The following ARHGAP31 variants were observed in gnomAD, a reference collection of about 807,000 sequenced individuals.
The protein encoded by ARHGAP31 is Rho GTPase activating protein 31.
Under a neutral mutation model 113.9 loss-of-function variants are expected in ARHGAP31, and 34 were observed. The observed-to-expected ratio is 0.30, with a 90% CI of 0.23 to 0.40. ARHGAP31 has a LOEUF of 0.40. Ranked by LOEUF, ARHGAP31 falls within the 10% of genes least tolerant of loss-of-function variation. ARHGAP31 has a pLI of 1.00. For synonymous variants in ARHGAP31, 650 were observed against 684.8 expected, an observed-to-expected ratio of 0.95 and a Z score of 0.79; for missense variants, 1,548 against 1,767.1, an observed-to-expected ratio of 0.88 and a Z score of 2.22.
intron 1 of ARHGAP31, among the ~76,000 whole-genome samples, chr3:119,364,263 TA>T (rs202131940): frequency 1.5e-4 from 22 of 148,002 alleles, no homozygotes; most frequent in South Asian, 1.1e-3. Flanking sequence ...TTCTTACCTT[TA>T]AAAAAAAAAC....
chr3:119,408,414 C>T (rs893451477), intron 10 of ARHGAP31, among the ~76,000 whole-genome samples: 8 of 152,208 alleles, frequency 5.3e-5, no homozygotes, highest in East Asian at 1.9e-4. Flanking sequence ...GCTGGCCTTG[C>T]GGTGAGACAC....
At chr3:119,342,766 A>G (rs935918207) in intron 1 of ARHGAP31, among the ~76,000 whole-genome samples, 2 of 152,158 alleles carry the variant, frequency 1.3e-5, no homozygotes, top group African/African-American at 4.8e-5. Flanking sequence ...CCTGACCAAC[A>G]TGGAGAAACC....
chr3:119,295,320 C>G (rs1414450351), intron 1 of ARHGAP31, among the ~76,000 whole-genome samples: 1 of 151,650 alleles, frequency 6.6e-6, no homozygotes, highest in Non-Finnish European at 1.5e-5. Flanking sequence ...GGTCCCAATC[C>G]TAAACTTGGC....
chr3:119,304,119 A>G (rs1269842565), intron 1 of ARHGAP31, among the ~76,000 whole-genome samples: 1 of 152,100 alleles, frequency 6.6e-6, no homozygotes, highest in Non-Finnish European at 1.5e-5. Context: ...ATCAGATCCT[A>G]TCTGGAATGG....
At chr3:119,363,943 C>T (rs1363925609) in intron 1 of ARHGAP31, among the ~76,000 whole-genome samples, 1 of 152,136 alleles carries the variant, frequency 6.6e-6, no homozygotes, top group African/African-American at 2.4e-5. Flanking sequence ...TCCCAAACCA[C>T]CATTCACAAC....
intron 10 of ARHGAP31, among the ~76,000 whole-genome samples, chr3:119,405,355 T>C (rs1418382784): frequency 6.6e-6 from 1 of 152,220 alleles, no homozygotes; most frequent in African/African-American, 2.4e-5. Context: ...GTGACTGTGA[T>C]GCAGGAGATC....
intron 7 of ARHGAP31, among the ~76,000 whole-genome samples, chr3:119,391,589 A>ACCCCCCCCAC (rs368549202): frequency 1.9e-5 from 2 of 103,754 alleles, no homozygotes; most frequent in Non-Finnish European, 2.0e-5. Context: ...CTGGGTCTCT[A>ACCCCCCCCAC]CCCCCCCCTC....
intron 5 of ARHGAP31, 140 bp from the exon 6 acceptor site, chr3:119,382,944 T>C (rs2080414640): frequency 3.5e-6 from 4 of 1,140,222 alleles, no homozygotes; most frequent in Non-Finnish European, 5.2e-6. Context: ...GTTCCTTTAA[T>C]TGGCCCTAAA....
chr3:119,362,269 C>T (rs1013215101), intron 1 of ARHGAP31, among the ~76,000 whole-genome samples: 1 of 152,230 alleles, frequency 6.6e-6, no homozygotes, highest in African/African-American at 2.4e-5. Context: ...AGCAGCCATG[C>T]ACTGTGGTAC....
intron 1 of ARHGAP31, among the ~76,000 whole-genome samples, chr3:119,364,614 G>A (rs114139729): frequency 0.014 from 2,199 of 152,208 alleles, 60 homozygotes; most frequent in African/African-American, 0.05. Context: ...CAAAATTTCT[G>A]AGTTAATAGG....
intron 1 of ARHGAP31, among the ~76,000 whole-genome samples, chr3:119,321,789 T>C (rs1383355587): frequency 6.6e-6 from 1 of 152,112 alleles, no homozygotes; most frequent in East Asian, 1.9e-4. Flanking sequence ...GCTGGAACTA[T>C]AGGCCCACAC....
chr3:119,309,804 T>C (rs985914572), intron 1 of ARHGAP31, among the ~76,000 whole-genome samples: 1 of 151,986 alleles, frequency 6.6e-6, no homozygotes, highest in African/African-American at 2.4e-5. Flanking sequence ...CATGGAAAAG[T>C]TGTCTTCTGC....
chr3:119,388,044 CT>C (rs1226773113), intron 6 of ARHGAP31, among the ~76,000 whole-genome samples: 1 of 152,196 alleles, frequency 6.6e-6, no homozygotes, highest in East Asian at 1.9e-4. Flanking sequence ...GTTGTAAAAG[CT>C]CTGAGGCAGA....
At chr3:119,308,067 C>G (rs1360460225) in intron 1 of ARHGAP31, among the ~76,000 whole-genome samples, 1 of 151,404 alleles carries the variant, frequency 6.6e-6, no homozygotes, top group Non-Finnish European at 1.5e-5. Flanking sequence ...TATTCTGGAG[C>G]TGCATTTTAA....
intron 1 of ARHGAP31, among the ~76,000 whole-genome samples, chr3:119,330,990 A>G (rs1178733055): frequency 2.6e-5 from 4 of 152,174 alleles, no homozygotes; most frequent in Non-Finnish European, 4.4e-5. Context: ...CTTCAGATCC[A>G]CCACGCTGCA....
intron 8 of ARHGAP31, among the ~76,000 whole-genome samples, chr3:119,394,991 T>C (rs2080536709): frequency 1.3e-5 from 2 of 152,188 alleles, no homozygotes; most frequent in Admixed American, 1.3e-4. Context: ...TAGCAAATTA[T>C]AGGTAGGTAG....
intron 3 of ARHGAP31, among the ~76,000 whole-genome samples, chr3:119,370,060 C>T (rs2080284901): frequency 1.3e-5 from 2 of 152,078 alleles, no homozygotes; most frequent in Admixed American, 6.5e-5. Flanking sequence ...ATAGAGTTGT[C>T]ATTGGTTATG....
intron 1 of ARHGAP31, among the ~76,000 whole-genome samples, chr3:119,358,655 A>G (rs2080179558): frequency 6.6e-6 from 1 of 152,384 alleles, no homozygotes; most frequent in South Asian, 2.1e-4. Flanking sequence ...AATTTTATTC[A>G]GCCATAAAAA....
chr3:119,344,708 C>T (rs905910715), intron 1 of ARHGAP31, among the ~76,000 whole-genome samples: 16 of 152,040 alleles, frequency 1.1e-4, no homozygotes, highest in African/African-American at 3.9e-4. Context: ...TGGCTCACGG[C>T]AGCCTCAACC....
Sources: allele counts gnomAD v4.1 joint callset (sites outside exome capture counted in the v4.1 genomes callset), GRCh38; gene constraint gnomAD v4.1.1; transcripts MANE v1.5; gene names NCBI Gene and HGNC (gene_info 2026-07-23, HGNC 2026-07-21).